COP1: variants seen among roughly 807,000 people sequenced by gnomAD.
The protein encoded by COP1 is COP1 E3 ubiquitin ligase.
A neutral mutation model predicts 101.3 loss-of-function variants in COP1; 24 were observed. That is an observed-to-expected ratio of 0.24 (90% CI 0.17 to 0.33). The LOEUF (loss-of-function observed/expected upper bound fraction) is 0.33, where lower values mean the gene tolerates loss of function less well. COP1 is among the 10% of genes least tolerant of loss of function. The pLI, the probability that COP1 is intolerant of heterozygous loss-of-function variation, is 1.00. For missense variants in COP1, 663 were observed against 906.2 expected, an observed-to-expected ratio of 0.73 and a Z score of 3.45; for synonymous variants, 347 against 341.9, an observed-to-expected ratio of 1.01 and a Z score of -0.17.
intron 2 of COP1, among the ~76,000 whole-genome samples, chr1:176,183,971 G>A (rs949034213): frequency 6.6e-5 from 10 of 152,082 alleles, no homozygotes; most frequent in African/African-American, 2.2e-4. Flanking sequence ...AATGAGTGAC[G>A]AGTTTCAGTT....
At chr1:176,096,570 C>T (rs1682426517) in intron 9 of COP1, among the ~76,000 whole-genome samples, 1 of 152,226 alleles carries the variant, frequency 6.6e-6, no homozygotes, top group African/African-American at 2.4e-5. Flanking sequence ...GGGAAAGGAA[C>T]CCATTTGTAT....
intron 15 of COP1, among the ~76,000 whole-genome samples, chr1:175,992,258 G>C (rs1234578432): frequency 1.3e-5 from 2 of 151,932 alleles, no homozygotes; most frequent in Admixed American, 1.3e-4. Context: ...TGTACAATGG[G>C]AGGTGGAGGC....
chr1:176,116,757 T>C (rs1215754764), intron 8 of COP1, 76 bp from the exon 9 acceptor site: 10 of 1,025,190 alleles, frequency 9.8e-6, no homozygotes, highest in Non-Finnish European at 1.5e-5. Flanking sequence ...ATCTAAAGTA[T>C]ATCATATATA....
chr1:176,169,699 T>C (rs1344140220), intron 3 of COP1, among the ~76,000 whole-genome samples: 1 of 152,238 alleles, frequency 6.6e-6, no homozygotes, highest in Non-Finnish European at 1.5e-5. Context: ...CTTGCCTCCA[T>C]GTTGACGGCT....
intron 15 of COP1, among the ~76,000 whole-genome samples, chr1:176,014,774 C>T (rs1226563488): frequency 6.6e-6 from 1 of 151,956 alleles, no homozygotes; most frequent in Non-Finnish European, 1.5e-5. Flanking sequence ...GTACACTATA[C>T]ATATATACAC....
chr1:175,996,179 C>G (rs932340273), intron 15 of COP1, among the ~76,000 whole-genome samples: 1 of 152,124 alleles, frequency 6.6e-6, no homozygotes, highest in Non-Finnish European at 1.5e-5. Context: ...CAGAAAAGGC[C>G]TTTGACAAAA....
At chr1:176,070,975 T>C (rs1226755979) in intron 11 of COP1, among the ~76,000 whole-genome samples, 1 of 152,144 alleles carries the variant, frequency 6.6e-6, no homozygotes, top group African/African-American at 2.4e-5. Flanking sequence ...GTCCAATTCT[T>C]CTCCATACTG....
intron 11 of COP1, among the ~76,000 whole-genome samples, chr1:176,049,404 T>C (rs959893199): frequency 8.5e-5 from 13 of 152,092 alleles, no homozygotes; most frequent in Admixed American, 2.0e-4. Flanking sequence ...GTTTTTAATA[T>C]ATTAAGGTAT....
At chr1:175,984,666 C>A (rs1457778268) in intron 18 of COP1, among the ~76,000 whole-genome samples, 2 of 152,188 alleles carry the variant, frequency 1.3e-5, no homozygotes, top group African/African-American at 4.8e-5. Flanking sequence ...ACAGACAATG[C>A]CAGCTCGTTA....
At chr1:176,025,845 G>A (rs999639859) in intron 15 of COP1, among the ~76,000 whole-genome samples, 3 of 151,828 alleles carry the variant, frequency 2.0e-5, no homozygotes, top group Admixed American at 6.6e-5. Flanking sequence ...AGCTGTGATC[G>A]TGCCACTGTA....
chr1:175,974,563 T>C (rs1654036875), intron 18 of COP1, among the ~76,000 whole-genome samples: 1 of 152,104 alleles, frequency 6.6e-6, no homozygotes. Flanking sequence ...ATAACAATGA[T>C]TAATATGGTT....
chr1:176,053,426 TCTAA>T (rs1386721993), intron 11 of COP1, among the ~76,000 whole-genome samples: 1 of 152,298 alleles, frequency 6.6e-6, no homozygotes, highest in Non-Finnish European at 1.5e-5. Flanking sequence ...TCTTGGAAAT[TCTAA>T]CTTTCAGCTC....
At chr1:176,179,221 C>T (rs558603408) in intron 2 of COP1, among the ~76,000 whole-genome samples, 3 of 149,466 alleles carry the variant, frequency 2.0e-5, no homozygotes, top group Admixed American at 6.7e-5. Context: ...CCCTGGGGGG[C>T]AGAGGTTGCA....
chr1:176,170,332 C>T (rs936767715), intron 3 of COP1, among the ~76,000 whole-genome samples: 2 of 152,124 alleles, frequency 1.3e-5, no homozygotes, highest in African/African-American at 4.8e-5. Flanking sequence ...TCTCAGAGGA[C>T]TCATTATCAC....
At chr1:176,195,504 C>A (rs772309262) in intron 1 of COP1, among the ~76,000 whole-genome samples, 1 of 152,092 alleles carries the variant, frequency 6.6e-6, no homozygotes, top group Admixed American at 6.5e-5. Context: ...TCAGCCTACA[C>A]ATGGCAGAGT....
At chr1:176,071,940 C>G (rs995146446) in intron 11 of COP1, among the ~76,000 whole-genome samples, 9 of 152,120 alleles carry the variant, frequency 5.9e-5, no homozygotes, top group African/African-American at 2.2e-4. Context: ...AACAGGAAAA[C>G]CAAGTCGAGA....
chr1:176,019,027 A>G (rs1666187254), intron 15 of COP1, among the ~76,000 whole-genome samples: 1 of 151,930 alleles, frequency 6.6e-6, no homozygotes, highest in Non-Finnish European at 1.5e-5. Context: ...TTAGCCAGAC[A>G]TGGTGGTACA....
intron 2 of COP1, among the ~76,000 whole-genome samples, chr1:176,177,071 C>T (rs1697057737): frequency 6.6e-6 from 1 of 151,926 alleles, no homozygotes; most frequent in Non-Finnish European, 1.5e-5. Flanking sequence ...GCAACCTAAA[C>T]ACTAAGAAAT....
intron 11 of COP1, among the ~76,000 whole-genome samples, chr1:176,067,556 G>A (rs1676214443): frequency 1.3e-5 from 2 of 152,056 alleles, no homozygotes; most frequent in African/African-American, 4.8e-5. Context: ...CCTGGCCACT[G>A]AGCGGCCCGA....
Sources: gnomAD v4.1 joint callset for allele counts (sites outside exome capture counted in the v4.1 genomes callset) on GRCh38, gnomAD v4.1.1 for gene constraint, MANE v1.5 for transcripts, NCBI Gene and HGNC (gene_info 2026-07-23, HGNC 2026-07-21) for gene names.